Variants in TRIM71 observed in about 807,000 individuals in gnomAD.
TRIM71 encodes the protein tripartite motif containing 71.
In TRIM71, 9 loss-of-function variants were observed where a neutral mutation model predicts 61.2. The ratio of observed to expected loss-of-function variants is 0.15; its 90% CI spans 0.09 to 0.26. The LOEUF is 0.26. Ranked by LOEUF, TRIM71 falls within the 10% of genes least tolerant of loss-of-function variation. The pLI, the probability that TRIM71 is intolerant of heterozygous loss-of-function variation, is 1.00. For synonymous variants in TRIM71, 645 were observed against 553.2 expected, an observed-to-expected ratio of 1.17 and a Z score of -2.33; for missense variants, 998 against 1,238.7, an observed-to-expected ratio of 0.81 and a Z score of 2.92.
chr3:32,894,706 A>G lies in TRIM71; in HGVS notation c.*2895A>G, dbSNP rs1697061378. ...GTGCGAAGCACTTTGGAGAGTGTTT[A>G]TTGTATGATGTGAAATGTTCTAAAT... On this transcript the variant is annotated 3_prime_UTR_variant, in exon 4 of 4. Coordinates refer to ENST00000383763, the MANE Select transcript of TRIM71 (RefSeq NM_001039111.3). 1 of 152,210 alleles carries G rather than the reference A, an allele frequency of 6.6e-6. No homozygotes were observed. The highest frequency in any genetic ancestry group is 1.5e-5 in the Non-Finnish European group (1 of 68,044). 9.4% of individuals were successfully genotyped at this position (152,210 alleles called of 1,614,324 possible). A position where few individuals can be genotyped will look rare whatever the true frequency, so the allele number is the denominator to read the frequency against.
intron 1 of TRIM71, among the ~76,000 whole-genome samples, chr3:32,857,447 C>T (rs75286956): frequency 0.017 from 2,580 of 152,306 alleles, 65 homozygotes; most frequent in East Asian, 0.12. Flanking sequence ...TAACTGGCCT[C>T]ATGTGCAATT....
At chr3:32,844,885 G>A (rs1696454845) in intron 1 of TRIM71, among the ~76,000 whole-genome samples, 1 of 152,162 alleles carries the variant, frequency 6.6e-6, no homozygotes, top group South Asian at 2.1e-4. Context: ...TACTTCCAAA[G>A]TTCCCCAATT....
At chr3:32,885,837 G>T in intron 2 of TRIM71, 97 bp from the exon 3 acceptor site, 1 of 1,500,804 alleles carries the variant, frequency 6.7e-7, no homozygotes, top group Non-Finnish European at 8.9e-7. Flanking sequence ...AACCCAGGGT[G>T]TCAGCTTTTC....
At chr3:32,820,629 G>A (rs1696116503) in intron 1 of TRIM71, among the ~76,000 whole-genome samples, 1 of 152,148 alleles carries the variant, frequency 6.6e-6, no homozygotes, top group Admixed American at 6.5e-5. Context: ...GGTGCTTTTA[G>A]TTTAAATGTC....
At chr3:32,869,251 G>A (rs954406654) in intron 1 of TRIM71, among the ~76,000 whole-genome samples, 3 of 151,898 alleles carry the variant, frequency 2.0e-5, no homozygotes, top group African/African-American at 7.3e-5. Flanking sequence ...AGGTGTCAGC[G>A]GTTCAGCCTT....
At chr3:32,828,429 C>T (rs943649620) in intron 1 of TRIM71, among the ~76,000 whole-genome samples, 4 of 150,174 alleles carry the variant, frequency 2.7e-5, no homozygotes, top group African/African-American at 4.9e-5. Flanking sequence ...TAACTCTTTG[C>T]GGTGTTGTAA....
At chr3:32,877,873 T>A (rs1696866738) in intron 2 of TRIM71, among the ~76,000 whole-genome samples, 1 of 152,176 alleles carries the variant, frequency 6.6e-6, no homozygotes, top group African/African-American at 2.4e-5. Flanking sequence ...AGGGTTGGGA[T>A]CAGCTTCTTC....
intron 1 of TRIM71, among the ~76,000 whole-genome samples, chr3:32,853,076 T>C (rs1696556620): frequency 6.6e-6 from 1 of 152,030 alleles, no homozygotes; most frequent in African/African-American, 2.4e-5. Flanking sequence ...TCTGTATTTT[T>C]TCCATAATAA....
intron 2 of TRIM71, among the ~76,000 whole-genome samples, chr3:32,877,340 A>G (rs1696860619): frequency 6.6e-6 from 1 of 151,818 alleles, no homozygotes; most frequent in African/African-American, 2.4e-5. Flanking sequence ...TTGACCTCAG[A>G]TGATCCACCT....
chr3:32,863,099 C>T (rs1696691904), intron 1 of TRIM71, among the ~76,000 whole-genome samples: 3 of 151,474 alleles, frequency 2.0e-5, no homozygotes, highest in Admixed American at 2.0e-4. Flanking sequence ...GAGTGCTGCG[C>T]TGTGGCCAAG....
chr3:32,839,541 C>G (rs13069779), intron 1 of TRIM71, among the ~76,000 whole-genome samples: 59 of 151,916 alleles, frequency 3.9e-4, no homozygotes, highest in African/African-American at 1.1e-3. Flanking sequence ...CGTGATGTTA[C>G]CAAGGAGGAA....
intron 3 of TRIM71, among the ~76,000 whole-genome samples, chr3:32,886,598 T>C (rs1343835169): frequency 6.6e-6 from 1 of 152,212 alleles, no homozygotes; most frequent in African/African-American, 2.4e-5. Flanking sequence ...TTCCAACTGT[T>C]CCTTTTCTGA....
rs1697046694 is a variant in TRIM71, at chr3:32,893,295, C to G, written c.*1484C>G. 1 of 150,968 alleles carries G rather than the reference C, an allele frequency of 6.6e-6. No homozygotes were observed. The highest frequency in any genetic ancestry group is 2.4e-5 in the African/African-American group (1 of 40,972). 9.4% of individuals were successfully genotyped at this position (150,968 alleles called of 1,614,324 possible). ...CTTTTCTTAAACCTGTAACTCGGTA[C>G]CAAAGAATGAAAATTTAAGGCTCCC... On this transcript the variant is annotated 3_prime_UTR_variant, in exon 4 of 4. Transcript: ENST00000383763.
At chr3:32,827,552 C>A (rs1292038491) in intron 1 of TRIM71, among the ~76,000 whole-genome samples, 1 of 152,134 alleles carries the variant, frequency 6.6e-6, no homozygotes, top group African/African-American at 2.4e-5. Flanking sequence ...TGAGCCACCG[C>A]GCCTTGCAAG....
chr3:32,866,204 A>G (rs1273011728), intron 1 of TRIM71, among the ~76,000 whole-genome samples: 1 of 151,412 alleles, frequency 6.6e-6, no homozygotes, highest in Non-Finnish European at 1.5e-5. Context: ...CGCCTGTACT[A>G]GGATTACAGG....
At chr3:32,883,107 G>T (rs1696927079) in intron 2 of TRIM71, among the ~76,000 whole-genome samples, 1 of 152,180 alleles carries the variant, frequency 6.6e-6, no homozygotes, top group South Asian at 2.1e-4. Context: ...TAAATGTCTA[G>T]GGAGCTCTCT....
rs1697084009 is a variant in TRIM71, at chr3:32,896,913, TTGTC to T, written c.*5104_*5107del. 2 of 152,212 alleles carry T rather than the reference TTGTC, an allele frequency of 1.3e-5. No individual in the cohort carries two copies. Among genetic ancestry groups the T allele is most frequent in the Non-Finnish European group, 2.9e-5 (2 of 68,036 alleles). 9.4% of individuals were successfully genotyped at this position (152,212 alleles called of 1,614,324 possible). ...TTTGTGTTTCTAGCAGTCTGTGTAG[TTGTC>T]TTTCTTCAGAGGAAGATTTTTCACA... On this transcript the variant is annotated 3_prime_UTR_variant, in exon 4 of 4. Coordinates refer to ENST00000383763, the MANE Select transcript of TRIM71 (RefSeq NM_001039111.3).
intron 1 of TRIM71, among the ~76,000 whole-genome samples, chr3:32,824,797 C>G (rs1488337906): frequency 6.6e-6 from 1 of 151,996 alleles, no homozygotes; most frequent in South Asian, 2.1e-4. Context: ...TAGTCCTTTT[C>G]TTTTCTTTTT....
intron 1 of TRIM71, among the ~76,000 whole-genome samples, chr3:32,871,761 G>A (rs1696797377): frequency 6.6e-6 from 1 of 152,216 alleles, no homozygotes; most frequent in African/African-American, 2.4e-5. Context: ...GCTGCTACCT[G>A]GTTTCAGTCT....
Sources: allele counts gnomAD v4.1 joint callset (sites outside exome capture counted in the v4.1 genomes callset), GRCh38; gene constraint gnomAD v4.1.1; transcripts MANE v1.5; gene names NCBI Gene and HGNC (gene_info 2026-07-23, HGNC 2026-07-21).